Variants in NAV2 observed in about 807,000 individuals in gnomAD.
NAV2 encodes the protein neuron navigator 2.
Under a neutral mutation model 223.2 loss-of-function variants are expected in NAV2, and 54 were observed. The ratio of observed to expected loss-of-function variants is 0.24; its 90% CI spans 0.19 to 0.30. The LOEUF (loss-of-function observed/expected upper bound fraction) is 0.30, where lower values mean the gene tolerates loss of function less well. Ranked by LOEUF, NAV2 falls within the 10% of genes least tolerant of loss-of-function variation. NAV2 has a pLI of 1.00. For synonymous variants in NAV2, 1,279 were observed against 1,239.3 expected (o/e 1.03, Z -0.67); for missense variants, 2,806 against 3,147.5 (o/e 0.89, Z 2.60).
chr11:19,521,570 T>C (rs1458094785), intron 1 of NAV2, among the ~76,000 whole-genome samples: 1 of 152,202 alleles, frequency 6.6e-6, no homozygotes, highest in Non-Finnish European at 1.5e-5. Flanking sequence ...TCTTGACCTA[T>C]CTTATGCGTT....
chr11:19,699,711 C>A (rs1047141137), intron 1 of NAV2, among the ~76,000 whole-genome samples: 1 of 152,180 alleles, frequency 6.6e-6, no homozygotes, highest in African/African-American at 2.4e-5. Context: ...CCTTACCATG[C>A]ATTTCCTTGT....
chr11:19,468,241 G>A (rs1852438721), intron 1 of NAV2, among the ~76,000 whole-genome samples: 1 of 152,190 alleles, frequency 6.6e-6, no homozygotes, highest in Non-Finnish European at 1.5e-5. Flanking sequence ...TTTTTTAAAT[G>A]CCTAGAGTTG....
rs374271614 is a variant in NAV2, at chr11:20,021,810, C to CT, written c.2769-14142dup. On this transcript the variant is annotated intron_variant, in intron 11 of 37. Transcript: ENST00000349880. ...GTTGGGACTCCTTCGAGATTACAAT[C>CT]TTTTTTTCATTCACCTGGGAATCAC... Among the ~76,000 whole-genome samples, 15 of 152,332 alleles carry CT rather than the reference C, an allele frequency of 9.8e-5. 1 individual carries two copies. The East Asian group carries it at 1.5e-3, about 16-fold the overall frequency.
intron 11 of NAV2, among the ~76,000 whole-genome samples, chr11:20,006,950 T>C (rs2053134414): frequency 6.6e-6 from 1 of 151,906 alleles, no homozygotes. Flanking sequence ...CTAAAGATCA[T>C]TTTCTTCTTT....
At chr11:19,439,259 A>G (rs996762353) in intron 1 of NAV2, among the ~76,000 whole-genome samples, 1 of 152,210 alleles carries the variant, frequency 6.6e-6, no homozygotes, top group Non-Finnish European at 1.5e-5. Context: ...GTATCACAAT[A>G]TCATACCAGC....
chr11:19,924,881 A>G (rs2044601475), intron 6 of NAV2, among the ~76,000 whole-genome samples: 1 of 152,222 alleles, frequency 6.6e-6, no homozygotes, highest in African/African-American at 2.4e-5. Context: ...AGACCTAATA[A>G]GACTTCAGGC....
upstream of NAV2, among the ~76,000 whole-genome samples, chr11:19,347,799 G>T (rs1320625634): frequency 6.6e-6 from 1 of 152,142 alleles, no homozygotes; most frequent in African/African-American, 2.4e-5. Context: ...CTTTCTTTCA[G>T]TTCATTTTCA....
intron 1 of NAV2, among the ~76,000 whole-genome samples, chr11:19,734,529 C>T (rs548379436): frequency 5.3e-5 from 8 of 152,326 alleles, no homozygotes; most frequent in Non-Finnish European, 8.8e-5. Context: ...CACCCTCAAT[C>T]TGATGTAAAG....
chr11:19,398,090 G>A (rs563036583), intron 1 of NAV2, among the ~76,000 whole-genome samples: 1 of 152,266 alleles, frequency 6.6e-6, no homozygotes, highest in African/African-American at 2.4e-5. Context: ...CTGAGACTGG[G>A]TAATTTATAA....
rs780744828 is a variant in NAV2 at position 20,121,400 on chromosome 11, G to C, written c.*3142G>C. On this transcript the variant is annotated 3_prime_UTR_variant, in exon 38 of 38. Transcript: ENST00000349880. ...ACTAGGAATTGAGTATTTTGTGTAC[G>C]GTATGTTTCCATCCTCCCTCCCCTT... is the stretch of plus-strand genomic sequence containing the variant. 1 of 152,328 alleles carries C rather than the reference G, an allele frequency of 6.6e-6. No individual in the cohort carries two copies. Among genetic ancestry groups the C allele is most frequent in the African/African-American group, 2.4e-5 (1 of 41,326 alleles). 9.4% of individuals were successfully genotyped at this position (152,328 alleles called of 1,614,324 possible). A position where few individuals can be genotyped will look rare whatever the true frequency, so the allele number is the denominator to read the frequency against.
intron 11 of NAV2, among the ~76,000 whole-genome samples, chr11:20,008,312 C>T (rs1037812290): frequency 6.6e-6 from 1 of 152,018 alleles, no homozygotes; most frequent in Non-Finnish European, 1.5e-5. Flanking sequence ...GAGCCGAGAT[C>T]GCACCACTGT....
At chr11:19,961,650 A>C (rs189846307) in intron 10 of NAV2, among the ~76,000 whole-genome samples, 1 of 152,248 alleles carries the variant, frequency 6.6e-6, no homozygotes, top group African/African-American at 2.4e-5. Flanking sequence ...CCATAGGGAA[A>C]TTTCTTCCTT....
chr11:19,939,631 A>T, intron 7 of NAV2, 30 bp from the exon 8 acceptor site: 1 of 1,585,552 alleles, frequency 6.3e-7, no homozygotes. Flanking sequence ...CTCTCATGAC[A>T]AGTGTGTCTG....
chr11:19,988,410 G>A (rs1051892507), intron 11 of NAV2, among the ~76,000 whole-genome samples: 1 of 143,412 alleles, frequency 7.0e-6, no homozygotes, highest in Admixed American at 7.4e-5. Context: ...AGGCGATAAG[G>A]CCATATTACT....
intron 1 of NAV2, among the ~76,000 whole-genome samples, chr11:19,410,036 T>C (rs894907545): frequency 8.5e-5 from 13 of 152,212 alleles, no homozygotes; most frequent in Admixed American, 2.6e-4. Flanking sequence ...CCCCACTAGG[T>C]GAGGCCCCAG....
At chr11:19,690,515 T>A (rs1469745704) in intron 1 of NAV2, among the ~76,000 whole-genome samples, 1 of 152,178 alleles carries the variant, frequency 6.6e-6, no homozygotes, top group Admixed American at 6.5e-5. Flanking sequence ...AGACAATACA[T>A]GTAAAGCATT....
intron 6 of NAV2, among the ~76,000 whole-genome samples, chr11:19,896,229 A>G (rs2041975045): frequency 2.0e-5 from 3 of 152,134 alleles, no homozygotes; most frequent in South Asian, 2.1e-4. Flanking sequence ...TTAATCAATA[A>G]TGTTAAGTAT....
chr11:20,110,337 C>A (rs76380727), intron 36 of NAV2, among the ~76,000 whole-genome samples: 3,784 of 152,248 alleles, frequency 0.025, 155 homozygotes, highest in African/African-American at 0.086. Flanking sequence ...GTATAGACTG[C>A]GGATTCCTGC....
At chr11:19,757,734 C>T (rs2054355006) in intron 1 of NAV2, among the ~76,000 whole-genome samples, 1 of 152,156 alleles carries the variant, frequency 6.6e-6, no homozygotes, top group African/African-American at 2.4e-5. Context: ...ATGTGCTATA[C>T]ATTGTTCTGG....
Sources: gnomAD v4.1 joint callset for allele counts (sites outside exome capture counted in the v4.1 genomes callset) on GRCh38, gnomAD v4.1.1 for gene constraint, MANE v1.5 for transcripts, NCBI Gene and HGNC (gene_info 2026-07-23, HGNC 2026-07-21) for gene names.